NEMF: variants seen among roughly 807,000 people sequenced by gnomAD.
NEMF encodes the protein nuclear export mediator factor.
Under a neutral mutation model 162.2 loss-of-function variants are expected in NEMF, and 89 were observed. The observed-to-expected ratio is 0.55, with a 90% CI of 0.46 to 0.65. The LOEUF is 0.65. Ranked by LOEUF, NEMF falls within the 30% of genes least tolerant of loss-of-function variation. NEMF has a pLI of 0.00. For missense variants in NEMF, 1,133 were observed against 1,261.9 expected, an observed-to-expected ratio of 0.90 and a Z score of 1.55; for synonymous variants, 421 against 404.5, an observed-to-expected ratio of 1.04 and a Z score of -0.49.
At chr14:49,836,228 G>A (rs1209311079) in intron 6 of NEMF, among the ~76,000 whole-genome samples, 2 of 152,154 alleles carry the variant, frequency 1.3e-5, no homozygotes, top group Non-Finnish European at 2.9e-5. Flanking sequence ...GCAGTGAGCC[G>A]AGATCATGCC....
rs565513928 is a variant in NEMF at position 49,818,785 on chromosome 14, A to G, written c.1578-3928T>C. On this transcript the variant is annotated intron_variant, in intron 16 of 32. Coordinates refer to ENST00000298310, the MANE Select transcript of NEMF (RefSeq NM_004713.6). ...CTATTATTTCCACTGGGCTCCCCAA[A>G]TGCTGCAGCAGCCAGGTCTTCACCT... is the stretch of plus-strand genomic sequence containing the variant. Among the ~76,000 whole-genome samples, 10 of 152,214 alleles carry G rather than the reference A, an allele frequency of 6.6e-5. No individual in the cohort carries two copies. The East Asian group carries it at 1.9e-3, about 29-fold the overall frequency.
Position 49,783,994 on chromosome 14 carries a change from C to T in NEMF, c.*642G>A, listed in dbSNP as rs949915882. The T allele has an allele frequency of 3.3e-5, 5 of 151,940 alleles. No individual in the cohort carries two copies. Among genetic ancestry groups the T allele is most frequent in the African/African-American group, 9.7e-5 (4 of 41,372 alleles). 9.4% of individuals were successfully genotyped at this position (151,940 alleles called of 1,614,324 possible). On this transcript the variant is annotated 3_prime_UTR_variant, in exon 33 of 33. Transcript: ENST00000298310. ...TTAGATGTTATATACAGTAGACTTA[C>T]CAAGTCAATAGTTTAAGCAATCAAG... is the stretch of plus-strand genomic sequence containing the variant.
intron 4 of NEMF, among the ~76,000 whole-genome samples, chr14:49,844,024 G>A (rs749952508): frequency 5.9e-5 from 9 of 151,698 alleles, no homozygotes; most frequent in South Asian, 2.1e-4. Flanking sequence ...GCTTGAACCC[G>A]GGAGGCAGAG....
chr14:49,832,671 C>T (rs953621442), intron 8 of NEMF, among the ~76,000 whole-genome samples: 1 of 152,020 alleles, frequency 6.6e-6, no homozygotes, highest in Non-Finnish European at 1.5e-5. Flanking sequence ...GCACCTAATC[C>T]AAAGGTTTAC....
intron 18 of NEMF, among the ~76,000 whole-genome samples, chr14:49,809,101 T>C (rs1275374502): frequency 6.6e-6 from 1 of 152,238 alleles, no homozygotes; most frequent in East Asian, 1.9e-4. Context: ...ACAGCCACTT[T>C]AGAATAGACA....
rs76069441 is a variant in NEMF, at chr14:49,826,576, C to T, written c.1489-621G>A. On this transcript the variant is annotated intron_variant, in intron 15 of 32. Coordinates refer to ENST00000298310, the MANE Select transcript of NEMF (RefSeq NM_004713.6). ...AAAAAAAAAAGACCAGCAAGTACAGCAAGTAGTAATCAAGGGCATAATGTC... is the reference window on the plus strand; with the variant it reads ...AAAAAAAAAAGACCAGCAAGTACAGTAAGTAGTAATCAAGGGCATAATGTC... Among the ~76,000 whole-genome samples the T allele has an allele frequency of 4.8e-3, 694 of 144,256 alleles. 6 individuals carry two copies. The highest frequency in any genetic ancestry group is 0.027 in the South Asian group (126 of 4,636). 94.6% of individuals were successfully genotyped at this position (144,256 alleles called of 152,430 possible).
chr14:49,796,047 C>T (rs953565625), intron 25 of NEMF, 103 bp from the exon 26 acceptor site: 3 of 757,462 alleles, frequency 4.0e-6, no homozygotes, highest in Non-Finnish European at 4.3e-6. Context: ...TATAAATGGT[C>T]ATGGCTTCTG....
chr14:49,802,366 C>T, intron 22 of NEMF, 87 bp downstream of exon 22: 1 of 1,422,210 alleles, frequency 7.0e-7, no homozygotes, highest in Non-Finnish European at 9.6e-7. Context: ...TAGATTATCC[C>T]AAAGAGACAT....
At chr14:49,840,594 T>G (rs1331224101) in intron 5 of NEMF, 124 bp downstream of exon 5, 49 of 757,560 alleles carry the variant, frequency 6.5e-5, no homozygotes, top group Non-Finnish European at 9.4e-5. Flanking sequence ...ATATTTTATC[T>G]CACAGTTCTT....
At chr14:49,815,221 A>G (rs1891660442) in intron 16 of NEMF, among the ~76,000 whole-genome samples, 1 of 152,188 alleles carries the variant, frequency 6.6e-6, no homozygotes, top group Admixed American at 6.5e-5. Context: ...CACTAATAAG[A>G]AAGAAATGTT....
intron 23 of NEMF, 25 bp from the exon 24 acceptor site, chr14:49,799,703 C>T (rs763134312): frequency 6.4e-7 from 1 of 1,573,986 alleles, no homozygotes; most frequent in South Asian, 1.2e-5. Flanking sequence ...ACAAGGGAGT[C>T]TCTACTAGCC....
rs1270472891 is a variant in NEMF at position 49,789,546 on chromosome 14, A to G, written c.2647T>C (p.Tyr883His). The change falls in exon 27 of 33, where the codon TAC becomes CAC. Residue 883 changes from tyrosine (Y) to histidine (H), a missense_variant. Coordinates refer to ENST00000298310, the MANE Select transcript of NEMF (RefSeq NM_004713.6). ...CGGTCTTCTTCATCCTGGTCTTTGT[A>G]TTTTTCTTTCATTTTTTTCATTTTA... ...KSKMKKMKEK[Y>H]KDQDEEDREL... 11 of 1,610,806 alleles carry G rather than the reference A, an allele frequency of 6.8e-6. No individual in the cohort carries two copies. Among genetic ancestry groups the G allele is most frequent in the Non-Finnish European group, 9.3e-6 (11 of 1,179,318 alleles).
chr14:49,843,755 T>C (rs1472712154), intron 4 of NEMF, among the ~76,000 whole-genome samples: 1 of 152,210 alleles, frequency 6.6e-6, no homozygotes, highest in Admixed American at 6.5e-5. Flanking sequence ...TATTTGTGTA[T>C]CTAAGTACAT....
intron 5 of NEMF, among the ~76,000 whole-genome samples, chr14:49,838,862 G>A (rs117885021): frequency 0.045 from 6,814 of 152,120 alleles, 232 homozygotes; most frequent in Middle Eastern, 0.082. Context: ...GGGATTACAG[G>A]CGTGAGACAC....
intron 18 of NEMF, among the ~76,000 whole-genome samples, chr14:49,809,760 C>T (rs1203388881): frequency 6.6e-6 from 1 of 151,940 alleles, no homozygotes; most frequent in African/African-American, 2.4e-5. Context: ...ACTCTGGAGG[C>T]TGAGGCAGGA....
chr14:49,820,549 ACT>A, intron 16 of NEMF: 1 of 454,926 alleles, frequency 2.2e-6, no homozygotes, highest in South Asian at 1.6e-5. Context: ...AGGGTGGATC[ACT>A]TGAGGTCAGG....
intron 23 of NEMF, 115 bp downstream of exon 23, chr14:49,800,305 T>TA: frequency 4.8e-6 from 4 of 831,304 alleles, no homozygotes; most frequent in Non-Finnish European, 7.3e-6. Flanking sequence ...GAAAAAGTAT[T>TA]AAGACAATGG....
rs928448929 is a variant in NEMF at position 49,799,697 on chromosome 14, G to C, written c.2373-19C>G. The C allele has an allele frequency of 1.2e-6, 2 of 1,602,424 alleles. No homozygotes were observed. The highest frequency in any genetic ancestry group is 1.7e-6 in the Non-Finnish European group (2 of 1,172,572). ...GATGGACCTATGAAAATAAACACAA[G>C]GGAGTCTCTACTAGCCTGTAAAAGA... is the stretch of plus-strand genomic sequence containing the variant. On this transcript the variant is annotated intron_variant, in intron 23 of 32. Coordinates refer to ENST00000298310, the MANE Select transcript of NEMF (RefSeq NM_004713.6).
rs769007853 is a variant in NEMF at position 49,802,420 on chromosome 14, T to C, written c.2095+33A>G. ...AAGCAAAACTAGGTAACAAAAAACA[T>C]CACAAGCTAATTTCTTAAAATCTAT... On this transcript the variant is annotated intron_variant, in intron 22 of 32. Coordinates refer to ENST00000298310, the MANE Select transcript of NEMF (RefSeq NM_004713.6). The C allele has an allele frequency of 3.1e-6, 5 of 1,605,084 alleles. No individual in the cohort carries two copies. The East Asian group carries it at 1.1e-4, about 36-fold the overall frequency.
Sources: allele counts gnomAD v4.1 joint callset (sites outside exome capture counted in the v4.1 genomes callset), GRCh38; gene constraint gnomAD v4.1.1; transcripts MANE v1.5; gene names NCBI Gene and HGNC (gene_info 2026-07-23, HGNC 2026-07-21).